Variants in LIMCH1 observed in about 807,000 individuals in gnomAD.
The protein encoded by LIMCH1 is LIM and calponin homology domains-containing protein 1.
LIMCH1 carries 113 observed loss-of-function variants against 176.5 expected under a neutral mutation model. The ratio of observed to expected loss-of-function variants is 0.64; its 90% confidence interval spans 0.55 to 0.75. LIMCH1 has a LOEUF of 0.75. Ranked by LOEUF, LIMCH1 falls within the 30% of genes least tolerant of loss-of-function variation. LIMCH1 has a pLI of 0.00. For synonymous variants in LIMCH1, 619 were observed against 645.9 expected (o/e 0.96, Z 0.63); for missense variants, 1,674 against 1,814.9 (o/e 0.92, Z 1.41).
chr4:41,474,803 C>T (rs1320216201), intron 1 of LIMCH1, among the ~76,000 whole-genome samples: 1 of 152,128 alleles, frequency 6.6e-6, no homozygotes, highest in African/African-American at 2.4e-5. Flanking sequence ...TTATCATATG[C>T]TCCAGCATCC....
chr4:41,646,964 T>C, intron 17 of LIMCH1, 71 bp downstream of exon 17: 1 of 1,349,748 alleles, frequency 7.4e-7, no homozygotes, highest in Non-Finnish European at 1.0e-6. Flanking sequence ...GCATCATGAC[T>C]CAAGAAAATG....
At chr4:41,528,641 T>C (rs1304147044) in intron 3 of LIMCH1, among the ~76,000 whole-genome samples, 2 of 152,270 alleles carry the variant, frequency 1.3e-5, no homozygotes, top group East Asian at 1.9e-4. Flanking sequence ...AAGAAGTCCA[T>C]AGTAGCAGGG....
rs922977455 is a variant in LIMCH1, at chr4:41,429,895, G to T, written c.97-64641G>T. 2.0e-5 allele frequency among the ~76,000 whole-genome samples: 3 copies of T among 151,638 alleles called. No homozygotes were observed. The South Asian group carries it at 6.2e-4, about 31-fold the overall frequency. ...AAGGAAAGGAAACATGGTGAATCAT[G>T]CACACTGTCTTGTGGGATTTGGCTT... On this transcript the variant is annotated intron_variant, in intron 1 of 26. Coordinates refer to the LIMCH1 transcript ENST00000313860.
intron 1 of LIMCH1, among the ~76,000 whole-genome samples, chr4:41,540,456 G>C (rs1055244577): frequency 6.6e-6 from 1 of 152,140 alleles, no homozygotes; most frequent in African/African-American, 2.4e-5. Flanking sequence ...AGAATAAAAC[G>C]GGCCAGATGC....
intron 2 of LIMCH1, among the ~76,000 whole-genome samples, chr4:41,601,955 G>A (rs1324114095): frequency 6.6e-6 from 1 of 151,978 alleles, no homozygotes; most frequent in Non-Finnish European, 1.5e-5. Flanking sequence ...AATTACTAGC[G>A]GAAGCAGTAA....
chr4:41,533,054 C>T (rs2077496643), intron 3 of LIMCH1, among the ~76,000 whole-genome samples: 1 of 152,110 alleles, frequency 6.6e-6, no homozygotes, highest in South Asian at 2.1e-4. Flanking sequence ...TTCAGTTCCT[C>T]ACAGGCTGTT....
At chr4:41,640,038 G>A (rs1368484388) in intron 14 of LIMCH1, among the ~76,000 whole-genome samples, 2 of 152,212 alleles carry the variant, frequency 1.3e-5, no homozygotes, top group African/African-American at 2.4e-5. Context: ...TCATGTTTGT[G>A]TTCAAGATGT....
At chr4:41,482,052 T>C (rs1316523373) in intron 1 of LIMCH1, among the ~76,000 whole-genome samples, 1 of 152,124 alleles carries the variant, frequency 6.6e-6, no homozygotes, top group Admixed American at 6.5e-5. Flanking sequence ...GGTTTCGCCA[T>C]GTTGGCCAGG....
chr4:41,361,209 G>T (rs1445611707), intron 1 of LIMCH1, among the ~76,000 whole-genome samples: 2 of 152,344 alleles, frequency 1.3e-5, no homozygotes, highest in South Asian at 4.1e-4. Flanking sequence ...CATCCTTCCT[G>T]CCCGCTGGCC....
In LIMCH1 at chr4:41,620,413, C is replaced by T. The variant is rs1456254089; in HGVS notation, c.459-11C>T. The T allele has an allele frequency of 6.5e-7, 1 of 1,534,262 alleles. No homozygotes were observed. Among genetic ancestry groups the T allele is most frequent in the African/African-American group, 1.4e-5 (1 of 73,012 alleles). The stretch of plus-strand genomic sequence containing the variant: ...TGTTAGTTTGGTAAACCATATTGTC[C>T]AACTCACTAGCTTTCCTGAAACGAT... On this transcript the variant is annotated splice_polypyrimidine_tract_variant and intron_variant, in intron 6 of 31. Transcript: ENST00000503057.
chr4:41,617,847 A>G (rs1008516416), intron 5 of LIMCH1, among the ~76,000 whole-genome samples: 4 of 152,240 alleles, frequency 2.6e-5, no homozygotes, highest in African/African-American at 7.2e-5. Context: ...ATCCAGAACT[A>G]TTATGACATA....
chr4:41,607,073 G>GC (rs1443490069), intron 4 of LIMCH1, among the ~76,000 whole-genome samples: 1 of 152,100 alleles, frequency 6.6e-6, no homozygotes, highest in African/African-American at 2.4e-5. Context: ...TGCTGAGATT[G>GC]CAAGTGTGAG....
rs2077339022 is a variant in LIMCH1, at chr4:41,531,712, C to G, written c.237+7234C>G. Among the ~76,000 whole-genome samples the G allele has an allele frequency of 2.0e-5, 3 of 152,104 alleles. 1 individual carries two copies. The South Asian group carries it at 6.2e-4, about 32-fold the overall frequency. The stretch of plus-strand genomic sequence containing the variant: ...TTTTGCCCCTGATTCTGATTCTGGA[C>G]AACAAAGACTCAGAGACAGGAAGAC... On this transcript the variant is annotated intron_variant, in intron 3 of 26. Transcript: ENST00000313860.
chr4:41,654,151 G>T (rs1562100999), intron 18 of LIMCH1, among the ~76,000 whole-genome samples: 1 of 152,164 alleles, frequency 6.6e-6, no homozygotes, highest in South Asian at 2.1e-4. Flanking sequence ...ACTTAGGATG[G>T]TTCACCTTAC....
chr4:41,684,595 C>T (rs1359623938), intron 27 of LIMCH1, 77 bp downstream of exon 27: 1 of 1,514,836 alleles, frequency 6.6e-7, no homozygotes, highest in African/African-American at 1.4e-5. Flanking sequence ...AAGCTATGAT[C>T]TCTGCTGGCT....
chr4:41,626,563 T>C, intron 7 of LIMCH1, 145 bp from the exon 8 acceptor site: 1 of 710,442 alleles, frequency 1.4e-6, no homozygotes, highest in Non-Finnish European at 2.3e-6. Context: ...GCTGCAATTC[T>C]AGACTGAAAT....
chr4:41,474,402 G>A (rs1389000754), intron 1 of LIMCH1, among the ~76,000 whole-genome samples: 13 of 152,020 alleles, frequency 8.6e-5, no homozygotes, highest in African/African-American at 1.4e-4. Flanking sequence ...CAGCAGAATC[G>A]CTTGAACCCA....
intron 26 of LIMCH1, 32 bp from the exon 27 acceptor site, chr4:41,684,365 C>A: frequency 6.3e-7 from 1 of 1,593,108 alleles, no homozygotes; most frequent in South Asian, 1.2e-5. Context: ...ACTTTTCTCT[C>A]TGCTCTGAAG....
chr4:41,635,899 C>T (rs2093563825), intron 13 of LIMCH1, among the ~76,000 whole-genome samples: 1 of 152,054 alleles, frequency 6.6e-6, no homozygotes, highest in African/African-American at 2.4e-5. Context: ...TTCTACCTAC[C>T]CCTACCCTCA....
Sources: allele counts gnomAD v4.1 joint callset (sites outside exome capture counted in the v4.1 genomes callset), GRCh38; gene constraint gnomAD v4.1.1; transcripts MANE v1.5; gene names NCBI Gene and HGNC (gene_info 2026-07-23, HGNC 2026-07-21).